Variants in ANKS1B observed in about 807,000 individuals in gnomAD.
The protein encoded by ANKS1B is ankyrin repeat and sterile alpha motif domain-containing protein 1B.
Under a neutral mutation model 148.3 loss-of-function variants are expected in ANKS1B, and 36 were observed. The ratio of observed to expected loss-of-function variants is 0.24; its 90% CI spans 0.19 to 0.32. The LOEUF is 0.32. ANKS1B is among the 10% of genes least tolerant of loss of function. ANKS1B has a pLI of 1.00. For missense variants in ANKS1B, 1,157 were observed against 1,542.6 expected, an observed-to-expected ratio of 0.75 and a Z score of 4.19; for synonymous variants, 542 against 560.8, an observed-to-expected ratio of 0.97 and a Z score of 0.47.
At chr12:99,392,493 T>G (rs530671353) in intron 12 of ANKS1B, among the ~76,000 whole-genome samples, 1 of 152,334 alleles carries the variant, frequency 6.6e-6, no homozygotes, top group African/African-American at 2.4e-5. Flanking sequence ...CCCATCAGTT[T>G]TCTCCTGCAG....
At chr12:99,339,528 T>C (rs2089548471) in intron 12 of ANKS1B, among the ~76,000 whole-genome samples, 1 of 152,304 alleles carries the variant, frequency 6.6e-6, no homozygotes, top group African/African-American at 2.4e-5. Context: ...GTTTCTTGTG[T>C]GGACAGTTGT....
intron 1 of ANKS1B, among the ~76,000 whole-genome samples, chr12:99,827,982 T>A (rs906640475): frequency 2.0e-5 from 3 of 152,144 alleles, no homozygotes; most frequent in African/African-American, 7.2e-5. Flanking sequence ...ATAAAAAGAC[T>A]TGTACATATA....
intron 12 of ANKS1B, among the ~76,000 whole-genome samples, chr12:99,377,431 G>A (rs939900262): frequency 6.6e-6 from 1 of 152,090 alleles, no homozygotes; most frequent in Admixed American, 6.5e-5. Flanking sequence ...AGAAAACATT[G>A]TAGACAGTTT....
intron 10 of ANKS1B, among the ~76,000 whole-genome samples, chr12:99,476,536 T>C (rs1449956028): frequency 6.6e-6 from 1 of 152,166 alleles, no homozygotes; most frequent in Admixed American, 6.5e-5. Context: ...AGTATAAAAT[T>C]GGGCAATTTA....
chr12:99,772,910 C>A lies in ANKS1B; in HGVS notation c.1128+12G>T, dbSNP rs144731269. On this transcript the variant is annotated intron_variant, in intron 8 of 26. Transcript: ENST00000683438. ...CAGACACATTATCTTCATTCCCCCCCGCCTTACTTACTACACTCTGGCTTC... is the reference window on the plus strand; with the variant it reads ...CAGACACATTATCTTCATTCCCCCCAGCCTTACTTACTACACTCTGGCTTC... 1.1e-5 allele frequency: 17 copies of A among 1,605,256 alleles called. No individual in the cohort carries two copies. Among genetic ancestry groups the A allele is most frequent in the Admixed American group, 1.7e-5 (1 of 59,008 alleles).
chr12:99,633,397 AT>A (rs750557830), intron 9 of ANKS1B, among the ~76,000 whole-genome samples: 44 of 152,186 alleles, frequency 2.9e-4, no homozygotes, highest in Non-Finnish European at 6.0e-4. Context: ...AGGATTCCCT[AT>A]TTAATAAATG....
intron 8 of ANKS1B, among the ~76,000 whole-genome samples, chr12:99,693,464 G>A (rs1362862851): frequency 6.6e-6 from 1 of 152,152 alleles, no homozygotes; most frequent in African/African-American, 2.4e-5. Flanking sequence ...TGTGACAGCT[G>A]GGGTCAAGAG....
At chr12:99,679,621 T>A (rs549950668) in intron 8 of ANKS1B, among the ~76,000 whole-genome samples, 2 of 152,058 alleles carry the variant, frequency 1.3e-5, no homozygotes, top group African/African-American at 4.8e-5. Context: ...AACTCTAACA[T>A]TGAACTGGAA....
chr12:99,482,556 T>C (rs117774279), intron 10 of ANKS1B, among the ~76,000 whole-genome samples: 5 of 152,042 alleles, frequency 3.3e-5, no homozygotes, highest in Non-Finnish European at 7.4e-5. Flanking sequence ...TTTTTTATAA[T>C]TCTGTGAAAA....
chr12:98,818,448 TG>T (rs1400737122), intron 19 of ANKS1B, among the ~76,000 whole-genome samples: 1 of 152,138 alleles, frequency 6.6e-6, no homozygotes, highest in Non-Finnish European at 1.5e-5. Flanking sequence ...AGGAAAAAAA[TG>T]AGCATTGCCT....
At chr12:98,992,234 C>G (rs2099927042) in intron 17 of ANKS1B, among the ~76,000 whole-genome samples, 1 of 152,212 alleles carries the variant, frequency 6.6e-6, no homozygotes, top group African/African-American at 2.4e-5. Flanking sequence ...ATTGTTGTGT[C>G]TTCTGCCTGG....
chr12:99,370,468 A>G (rs982598081), intron 12 of ANKS1B, among the ~76,000 whole-genome samples: 1 of 152,188 alleles, frequency 6.6e-6, no homozygotes, highest in Non-Finnish European at 1.5e-5. Context: ...GAAACCCAAG[A>G]AGGCCAGTGG....
intron 14 of ANKS1B, among the ~76,000 whole-genome samples, chr12:99,222,148 G>A (rs1276218749): frequency 2.0e-5 from 3 of 152,176 alleles, no homozygotes; most frequent in African/African-American, 7.2e-5. Flanking sequence ...GAGATAAAGA[G>A]AGGAAAAATA....
At chr12:99,413,112 T>C (rs968904874) in intron 11 of ANKS1B, among the ~76,000 whole-genome samples, 2 of 152,196 alleles carry the variant, frequency 1.3e-5, no homozygotes, top group African/African-American at 4.8e-5. Flanking sequence ...TGAGTGAGTA[T>C]TGAGTATTTA....
Position 99,854,268 on chromosome 12 carries a change from T to G in ANKS1B, c.135-28879A>C, listed in dbSNP as rs190611718. On this transcript the variant is annotated intron_variant, in intron 1 of 26. Transcript: ENST00000683438. ...ACCTCATGATCCACCCATCTCGGCC[T>G]CCCAAAGTGCTGGGATTACAGGTGG... Among the ~76,000 whole-genome samples the G allele has an allele frequency of 2.8e-3, 432 of 152,240 alleles. 3 individuals are homozygous for G. The highest frequency in any genetic ancestry group is 9.9e-3 in the African/African-American group (410 of 41,544).
chr12:99,368,271 G>C (rs1405415527), intron 12 of ANKS1B, among the ~76,000 whole-genome samples: 3 of 152,038 alleles, frequency 2.0e-5, no homozygotes, highest in African/African-American at 7.2e-5. Flanking sequence ...CTACCCACTG[G>C]ATACTATGTT....
At chr12:99,259,561 A>G (rs1454878984) in intron 12 of ANKS1B, among the ~76,000 whole-genome samples, 1 of 152,224 alleles carries the variant, frequency 6.6e-6, no homozygotes, top group Non-Finnish European at 1.5e-5. Flanking sequence ...CCTTTGCTCA[A>G]TACAGGAGAG....
At chr12:99,896,798 G>A (rs145830348) in intron 1 of ANKS1B, among the ~76,000 whole-genome samples, 34 of 151,310 alleles carry the variant, frequency 2.2e-4, no homozygotes, top group African/African-American at 8.2e-4. Context: ...ATTCATAAAT[G>A]GAAGCTCTCT....
chr12:99,435,013 T>C (rs906096622), intron 11 of ANKS1B, among the ~76,000 whole-genome samples: 2 of 152,108 alleles, frequency 1.3e-5, no homozygotes, highest in African/African-American at 2.4e-5. Flanking sequence ...AAGTGCCAAA[T>C]AACAAAAATT....
Sources: gnomAD v4.1 joint callset for allele counts (sites outside exome capture counted in the v4.1 genomes callset) on GRCh38, gnomAD v4.1.1 for gene constraint, MANE v1.5 for transcripts, NCBI Gene and HGNC (gene_info 2026-07-23, HGNC 2026-07-21) for gene names.